Variants in ARHGEF4 observed in about 807,000 individuals in gnomAD.
The protein encoded by ARHGEF4 is APC-stimulated guanine nucleotide exchange factor 1.
ARHGEF4 carries 119 observed loss-of-function variants against 162.0 expected under a neutral mutation model. The ratio of observed to expected loss-of-function variants is 0.73; its 90% CI spans 0.63 to 0.86. ARHGEF4 has a LOEUF of 0.86. Among genes scored for constraint, ARHGEF4 ranks in the 40% least tolerant of loss-of-function variants. The pLI is 0.00. For missense variants in ARHGEF4, 2,488 were observed against 2,456.0 expected, an observed-to-expected ratio of 1.01 and a Z score of -0.28; for synonymous variants, 1,014 against 979.9, an observed-to-expected ratio of 1.03 and a Z score of -0.65.
Position 130,946,576 on chromosome 2 carries a change from C to G in ARHGEF4, c.3926C>G (p.Ser1309Cys). 1.2e-6 allele frequency: 2 copies of G among 1,614,110 alleles called. No homozygotes were observed. The highest frequency in any genetic ancestry group is 1.7e-6 in the Non-Finnish European group (2 of 1,179,974). The part of the protein sequence containing the change: ...LNLPRRSHPL[S>C]QSAPTGLNHM... ...CTCCCTAGAAGAAGCCATCCACTCT[C>G]CCAGAGTGCTCCAACGGGACTGAAC... The change falls in exon 4 of 14, where the codon TCC becomes TGC. Residue 1309 changes from serine (S) to cysteine (C), a missense_variant. By Grantham distance (112) the Ser-to-Cys change is moderately radical (BLOSUM62 -1). Around this residue, in one of 6 missense-constraint regions of ARHGEF4, gnomAD observed 1,642 missense variants for 1,481.5 expected, o/e 1.11. Transcript: ENST00000409359.
chr2:130,886,297 T>G (rs969621120), intron 1 of ARHGEF4, among the ~76,000 whole-genome samples: 8 of 150,248 alleles, frequency 5.3e-5, no homozygotes, highest in Non-Finnish European at 1.2e-4. Context: ...TGTTTTTTTT[T>G]GCCAGGTTTT....
At chr2:130,907,497 A>G (rs370996601) in intron 1 of ARHGEF4, among the ~76,000 whole-genome samples, 37 of 151,226 alleles carry the variant, frequency 2.4e-4, no homozygotes, top group East Asian at 2.4e-3. Context: ...GATTACAGGC[A>G]TGAGCCACCA....
chr2:130,903,368 T>G (rs1045560347), intron 1 of ARHGEF4, among the ~76,000 whole-genome samples: 1 of 152,000 alleles, frequency 6.6e-6, no homozygotes, highest in Non-Finnish European at 1.5e-5. Flanking sequence ...CAAGTGATTC[T>G]CCTGCCTCAG....
chr2:130,855,164 C>T (rs1275915600), intron 1 of ARHGEF4, among the ~76,000 whole-genome samples: 4 of 151,876 alleles, frequency 2.6e-5, no homozygotes, highest in Admixed American at 6.6e-5. Flanking sequence ...CGTGAGCTAC[C>T]GCGCCCGGCC....
intron 12 of ARHGEF4, 59 bp from the exon 13 acceptor site, chr2:131,045,310 G>A: frequency 3.3e-6 from 5 of 1,502,910 alleles, no homozygotes; most frequent in Non-Finnish European, 4.6e-6. Flanking sequence ...CAGGTGTGCA[G>A]GGAACTGCAC....
At position 130,934,310 on chromosome 2, in the gene ARHGEF4, TATAGA is replaced by T. The variant is rs569234262; in HGVS notation, c.3858+3056_3858+3060del. Among the ~76,000 whole-genome samples, 285 of 152,370 alleles carry T rather than the reference TATAGA, an allele frequency of 1.9e-3. 3 individuals carry two copies. Among genetic ancestry groups the T allele is most frequent in the African/African-American group, 6.5e-3 (272 of 41,592 alleles). ...TTTGGTATCAGAGTGATTCTGGTCT[TATAGA>T]ATGAGTTAGGAAGTGCTCTCTCCTC... On this transcript the variant is annotated intron_variant, in intron 3 of 13. Coordinates refer to ENST00000409359, the MANE Select transcript of ARHGEF4 (RefSeq NM_001367493.1).
At chr2:130,852,620 C>T (rs762105524) in intron 1 of ARHGEF4, among the ~76,000 whole-genome samples, 1 of 152,196 alleles carries the variant, frequency 6.6e-6, no homozygotes, top group African/African-American at 2.4e-5. Flanking sequence ...GTGGGACGCC[C>T]TGCACGGAGG....
chr2:130,985,530 G>T (rs1686422978), intron 4 of ARHGEF4, among the ~76,000 whole-genome samples: 1 of 152,042 alleles, frequency 6.6e-6, no homozygotes, highest in African/African-American at 2.4e-5. Flanking sequence ...ACAGTGTGTG[G>T]GAAAACAGGA....
At chr2:131,008,383 A>C (rs1490907484) in intron 4 of ARHGEF4, among the ~76,000 whole-genome samples, 1 of 152,212 alleles carries the variant, frequency 6.6e-6, no homozygotes, top group Non-Finnish European at 1.5e-5. Flanking sequence ...CATGCATAAA[A>C]GTGCACCAAT....
At chr2:130,997,701 C>T (rs576111477) in intron 4 of ARHGEF4, among the ~76,000 whole-genome samples, 13 of 152,282 alleles carry the variant, frequency 8.5e-5, no homozygotes, top group Admixed American at 8.5e-4. Context: ...TTTCTGCCTT[C>T]GTATATGGCC....
At chr2:130,973,123 C>T (rs952912073) in intron 4 of ARHGEF4, among the ~76,000 whole-genome samples, 1 of 152,206 alleles carries the variant, frequency 6.6e-6, no homozygotes, top group Non-Finnish European at 1.5e-5. Context: ...GATGTGAACC[C>T]CCAATTAAAA....
At chr2:130,899,658 G>A (rs964135274) in intron 1 of ARHGEF4, among the ~76,000 whole-genome samples, 2 of 152,200 alleles carry the variant, frequency 1.3e-5, no homozygotes, top group Non-Finnish European at 2.9e-5. Flanking sequence ...GGTGCTCTGG[G>A]GATGGAGAGG....
chr2:130,844,986 G>A (rs976873726), intron 1 of ARHGEF4, among the ~76,000 whole-genome samples: 2 of 151,650 alleles, frequency 1.3e-5, no homozygotes, highest in African/African-American at 4.8e-5. Flanking sequence ...ACCACACCCA[G>A]CTAATTTTTG....
chr2:131,042,944 G>A (rs1209698994), intron 10 of ARHGEF4, among the ~76,000 whole-genome samples: 1 of 152,196 alleles, frequency 6.6e-6, no homozygotes, highest in Non-Finnish European at 1.5e-5. Context: ...GTGAATCCCA[G>A]ACAGGCCTAA....
chr2:130,862,836 G>A (rs1250783326), intron 1 of ARHGEF4, among the ~76,000 whole-genome samples: 4 of 109,850 alleles, frequency 3.6e-5, no homozygotes, highest in African/African-American at 1.2e-4. Context: ...CTGTACTGCA[G>A]CCTGGGAAAC....
chr2:130,917,445 G>C lies in ARHGEF4; in HGVS notation c.3499G>C (p.Gly1167Arg). Residue 1167 changes from glycine to arginine, a missense_variant, in exon 2 of 14, where the codon GGT becomes CGT. By Grantham distance (125) the Gly-to-Arg change is moderately radical. Around this residue, in one of 6 missense-constraint regions of ARHGEF4, gnomAD observed 1,642 missense variants for 1,481.5 expected, o/e 1.11. Coordinates refer to ENST00000409359, the MANE Select transcript of ARHGEF4 (RefSeq NM_001367493.1). ...QKEESREGGQ[G>R]PRGLGTVPWL... ...GGAAGAGAGCAGGGAAGGAGGCCAG[G>C]GTCCGCGCGGCTTGGGCACAGTGCC... The C allele has an allele frequency of 6.4e-7, 1 of 1,550,592 alleles. No individual in the cohort carries two copies. Among genetic ancestry groups the C allele is most frequent in the Non-Finnish European group, 8.7e-7 (1 of 1,146,996 alleles).
intron 3 of ARHGEF4, among the ~76,000 whole-genome samples, chr2:130,941,456 G>A (rs983096944): frequency 2.0e-5 from 3 of 151,892 alleles, no homozygotes; most frequent in Admixed American, 6.6e-5. Context: ...TGCCTGCCTC[G>A]GCCTCCAAAA....
At chr2:130,880,349 C>T (rs1679113158) in intron 1 of ARHGEF4, among the ~76,000 whole-genome samples, 1 of 152,166 alleles carries the variant, frequency 6.6e-6, no homozygotes, top group African/African-American at 2.4e-5. Context: ...GCTCTGCCTT[C>T]CCAGAGGATA....
chr2:130,871,096 C>T (rs1574130618), intron 1 of ARHGEF4, among the ~76,000 whole-genome samples: 1 of 152,294 alleles, frequency 6.6e-6, no homozygotes, highest in African/African-American at 2.4e-5. Context: ...ATGAAAGCCT[C>T]TGGGGGGCAT....
Sources: allele counts gnomAD v4.1 joint callset (sites outside exome capture counted in the v4.1 genomes callset), GRCh38; gene constraint gnomAD v4.1.1; regional missense constraint gnomAD v4.1.1; transcripts MANE v1.5; gene names NCBI Gene and HGNC (gene_info 2026-07-23, HGNC 2026-07-21).